The following ROBO2 variants were observed in gnomAD, a reference collection of about 807,000 sequenced individuals.
ROBO2 encodes the protein roundabout guidance receptor 2.
A neutral mutation model predicts 160.8 loss-of-function variants in ROBO2; 53 were observed. That is an observed-to-expected ratio of 0.33 (90% CI 0.26 to 0.41). ROBO2 has a LOEUF of 0.41. Ranked by LOEUF, ROBO2 falls within the 10% of genes least tolerant of loss-of-function variation. The pLI is 1.00. For missense variants in ROBO2, 1,577 were observed against 1,722.4 expected, an observed-to-expected ratio of 0.92 and a Z score of 1.49; for synonymous variants, 664 against 611.7, an observed-to-expected ratio of 1.09 and a Z score of -1.26.
intron 1 of ROBO2, among the ~76,000 whole-genome samples, chr3:75,924,834 G>A (rs892812318): frequency 5.3e-5 from 8 of 151,098 alleles, no homozygotes; most frequent in African/African-American, 1.7e-4. Context: ...GACTACAGGC[G>A]CCTGCCACCA....
At chr3:77,445,199 A>G (rs557890632) in intron 2 of ROBO2, among the ~76,000 whole-genome samples, 1 of 152,294 alleles carries the variant, frequency 6.6e-6, no homozygotes, top group South Asian at 2.1e-4. Context: ...CCACAGCATC[A>G]TTAGCCACTC....
chr3:76,938,927 C>T (rs544713107), intron 2 of ROBO2, among the ~76,000 whole-genome samples: 3 of 148,740 alleles, frequency 2.0e-5, no homozygotes, highest in South Asian at 2.1e-4. Context: ...GCTGAGATCA[C>T]GCCATTGCAC....
intron 2 of ROBO2, among the ~76,000 whole-genome samples, chr3:77,219,057 C>T (rs2085363217): frequency 6.6e-6 from 1 of 152,052 alleles, no homozygotes; most frequent in African/African-American, 2.4e-5. Context: ...CAACCTTTGC[C>T]TTCTGGGTTC....
intron 16 of ROBO2, among the ~76,000 whole-genome samples, chr3:77,587,694 T>C (rs1012242308): frequency 1.3e-5 from 2 of 152,096 alleles, no homozygotes; most frequent in Admixed American, 6.6e-5. Flanking sequence ...ACTTCAAAGA[T>C]CATGATCTTT....
chr3:76,040,509 C>T (rs1162541919), intron 2 of ROBO2, among the ~76,000 whole-genome samples: 1 of 151,928 alleles, frequency 6.6e-6, no homozygotes, highest in Non-Finnish European at 1.5e-5. Flanking sequence ...TTTTATTTCA[C>T]TTAAGTTCTT....
intron 2 of ROBO2, among the ~76,000 whole-genome samples, chr3:76,679,104 G>A (rs1205769285): frequency 9.3e-6 from 1 of 107,474 alleles, no homozygotes; most frequent in Non-Finnish European, 1.9e-5. Flanking sequence ...CTTTAACAGA[G>A]CTTTTTTGTG....
intron 2 of ROBO2, among the ~76,000 whole-genome samples, chr3:77,188,611 TA>T (rs1367546141): frequency 6.6e-6 from 1 of 151,914 alleles, no homozygotes; most frequent in African/African-American, 2.4e-5. Context: ...TGTCTAGTGC[TA>T]AAACAAAATA....
chr3:76,395,065 C>T (rs1347594454), intron 2 of ROBO2, among the ~76,000 whole-genome samples: 1 of 152,094 alleles, frequency 6.6e-6, no homozygotes, highest in African/African-American at 2.4e-5. Flanking sequence ...ACATTGACCA[C>T]ACAGTTGGAA....
rs530626741 is a variant in ROBO2 at position 77,623,359 on chromosome 3, A to ATT, written c.3760+930_3760+931dup. Among the ~76,000 whole-genome samples the ATT allele has an allele frequency of 1.9e-3, 288 of 152,282 alleles. 1 individual carries two copies. The highest frequency in any genetic ancestry group is 6.7e-3 in the African/African-American group (279 of 41,556). On this transcript the variant is annotated intron_variant, in intron 23 of 25. Coordinates refer to ENST00000461745, the Ensembl canonical transcript of ROBO2. ...GATGACATCTTTCATCCTAGGAGAT[A>ATT]TTTTACCACAATCCCGCTTAATTCA... is the stretch of plus-strand genomic sequence containing the variant.
At chr3:77,199,709 G>C (rs1207798661) in intron 2 of ROBO2, among the ~76,000 whole-genome samples, 1 of 145,558 alleles carries the variant, frequency 6.9e-6, no homozygotes, top group Non-Finnish European at 1.5e-5. Flanking sequence ...CTGCACCTCA[G>C]CCTCCTGTGC....
At chr3:77,200,397 G>A (rs1468226369) in intron 2 of ROBO2, among the ~76,000 whole-genome samples, 2 of 146,434 alleles carry the variant, frequency 1.4e-5, no homozygotes, top group African/African-American at 5.0e-5. Flanking sequence ...TTTGGTAGGT[G>A]TCGTTATTAT....
At chr3:76,795,820 C>T (rs1014880642) in intron 2 of ROBO2, among the ~76,000 whole-genome samples, 3 of 152,090 alleles carry the variant, frequency 2.0e-5, no homozygotes, top group African/African-American at 7.2e-5. Context: ...TGTCCAGATA[C>T]ATCAGAAAAA....
At chr3:76,580,342 G>GTTTTTTTTTTTTTTTTTTTTTTTTTT (rs71101901) in intron 2 of ROBO2, among the ~76,000 whole-genome samples, 17 of 90,538 alleles carry the variant, frequency 1.9e-4, no homozygotes, top group East Asian at 3.4e-4. Context: ...TTTTTTTTGT[G>GTTTTTTTTTTTTTTTTTTTTTTTTTT]TTTTTTTTTT....
intron 2 of ROBO2, among the ~76,000 whole-genome samples, chr3:75,955,925 G>T (rs1948709000): frequency 6.6e-6 from 1 of 151,674 alleles, no homozygotes; most frequent in Non-Finnish European, 1.5e-5. Flanking sequence ...ACTTCATATA[G>T]TTGTATTACA....
intron 2 of ROBO2, among the ~76,000 whole-genome samples, chr3:77,226,162 AAAC>A (rs1194879605): frequency 1.3e-5 from 2 of 152,080 alleles, no homozygotes; most frequent in South Asian, 2.1e-4. Context: ...TAAGTTAAGC[AAAC>A]AACAAGTTTT....
At chr3:76,720,298 A>G (rs921200283) in intron 2 of ROBO2, among the ~76,000 whole-genome samples, 2 of 152,146 alleles carry the variant, frequency 1.3e-5, no homozygotes, top group Non-Finnish European at 2.9e-5. Flanking sequence ...AAAGGAAAAA[A>G]TCTATTGTGT....
intron 1 of ROBO2, among the ~76,000 whole-genome samples, chr3:77,069,173 G>A (rs1318368990): frequency 6.6e-6 from 1 of 152,090 alleles, no homozygotes; most frequent in African/African-American, 2.4e-5. Flanking sequence ...GGCACTACGT[G>A]TGCTTAATGT....
chr3:76,656,909 T>G (rs1212380871), intron 2 of ROBO2, among the ~76,000 whole-genome samples: 1 of 152,180 alleles, frequency 6.6e-6, no homozygotes, highest in East Asian at 1.9e-4. Flanking sequence ...ACCCTTAGTC[T>G]TTAACTGGCT....
chr3:76,846,241 C>A (rs553817968), intron 2 of ROBO2, among the ~76,000 whole-genome samples: 7 of 152,208 alleles, frequency 4.6e-5, no homozygotes, highest in Non-Finnish European at 1.5e-5. Flanking sequence ...TAGTAATTAA[C>A]AAAGCAGTTA....
Sources: gnomAD v4.1 joint callset for allele counts (sites outside exome capture counted in the v4.1 genomes callset) on GRCh38, gnomAD v4.1.1 for gene constraint, MANE v1.5 for transcripts, NCBI Gene and HGNC (gene_info 2026-07-23, HGNC 2026-07-21) for gene names.